Variants in FAM135A observed in about 807,000 individuals in gnomAD.
The protein encoded by FAM135A is protein FAM135A.
FAM135A carries 79 observed loss-of-function variants against 146.8 expected under a neutral mutation model. That is an observed-to-expected ratio of 0.54 (90% confidence interval 0.45 to 0.65). FAM135A has a LOEUF of 0.65. FAM135A is among the 30% of genes least tolerant of loss of function. The pLI, the probability that FAM135A is intolerant of heterozygous loss-of-function variation, is 0.00. For missense variants in FAM135A, 1,623 were observed against 1,758.2 expected, an observed-to-expected ratio of 0.92 and a Z score of 1.38; for synonymous variants, 562 against 603.6, an observed-to-expected ratio of 0.93 and a Z score of 1.01.
chr6:70,454,979 A>G (rs138479238), intron 5 of FAM135A, among the ~76,000 whole-genome samples: 7,044 of 152,234 alleles, frequency 0.046, 361 homozygotes, highest in African/African-American at 0.11. Context: ...AGTCATTGTT[A>G]GCTTGATGGG....
At chr6:70,436,548 G>T (rs182480106) in intron 4 of FAM135A, among the ~76,000 whole-genome samples, 1 of 152,078 alleles carries the variant, frequency 6.6e-6, no homozygotes, top group Non-Finnish European at 1.5e-5. Context: ...GAGTACAAGG[G>T]TATTGGATTT....
At chr6:70,441,259 G>A (rs1161779595) in intron 4 of FAM135A, among the ~76,000 whole-genome samples, 4 of 151,938 alleles carry the variant, frequency 2.6e-5, no homozygotes, top group African/African-American at 9.7e-5. Context: ...CCGGTGGCAC[G>A]CACCTATAAT....
rs1246099527 is a variant in FAM135A at position 70,533,170 on chromosome 6, A to G, written c.3786A>G (p.Ala1262=). ...TTTTTCATTTTTTAGGAAACAGTGC[A>G]GATCTCCGATTAGTAAAAACTTACA... ...VCVHGLDGNS[A]DLRLVKTYIE... The change falls in exon 17 of 22, where the codon GCA becomes GCG. Residue 1262 remains alanine, a synonymous_variant. Transcript: ENST00000418814. 24 of 1,612,472 alleles carry G rather than the reference A, an allele frequency of 1.5e-5. No individual in the cohort carries two copies. The highest frequency in any genetic ancestry group is 2.0e-5 in the Non-Finnish European group (23 of 1,178,940).
intron 4 of FAM135A, among the ~76,000 whole-genome samples, chr6:70,435,816 T>G (rs898184879): frequency 6.6e-6 from 1 of 152,246 alleles, no homozygotes; most frequent in East Asian, 1.9e-4. Context: ...GAATTTTGTT[T>G]TATTGACATT....
intron 13 of FAM135A, among the ~76,000 whole-genome samples, chr6:70,523,055 A>G (rs1793954998): frequency 2.0e-5 from 3 of 152,186 alleles, no homozygotes. Context: ...CTTTGGCATT[A>G]AGGAATATTT....
intron 20 of FAM135A, among the ~76,000 whole-genome samples, chr6:70,539,977 CAG>C (rs1797558487): frequency 2.0e-5 from 3 of 152,174 alleles, no homozygotes; most frequent in Admixed American, 2.0e-4. Flanking sequence ...GGCTGGGAGA[CAG>C]AGTGAGACTC....
chr6:70,431,080 T>G (rs957403003), intron 4 of FAM135A, among the ~76,000 whole-genome samples: 2 of 152,148 alleles, frequency 1.3e-5, no homozygotes, highest in African/African-American at 4.8e-5. Context: ...TCATTATTTT[T>G]CCACCATTTG....
chr6:70,452,687 A>G, intron 5 of FAM135A, 116 bp downstream of exon 5: 1 of 636,088 alleles, frequency 1.6e-6, no homozygotes, highest in Non-Finnish European at 2.5e-6. Context: ...CATTATGATA[A>G]CCATTGTAAG....
rs371607185 is a variant in FAM135A at position 70,525,565 on chromosome 6, A to C, written c.2481A>C (p.Thr827=). 1.2e-6 allele frequency: 2 copies of C among 1,613,572 alleles called. No homozygotes were observed. Among genetic ancestry groups the C allele is most frequent in the Non-Finnish European group, 8.5e-7 (1 of 1,179,660 alleles). ...FSLGNHCTES[T]SAISEIQSSL... is the part of the protein sequence containing the mutation. ...TAGGAAATCATTGTACTGAGAGTAC[A>C]AGTGCTATAAGTGAAATACAGTCAT... Residue 827 remains threonine (T), a synonymous_variant, in exon 15 of 22, where the codon ACA becomes ACC. Transcript: ENST00000418814.
At chr6:70,513,389 T>C (rs1024563440) in intron 12 of FAM135A, 24 of 83,350 alleles carry the variant, frequency 2.9e-4, no homozygotes, top group Non-Finnish European at 5.0e-4. Context: ...TGTCAATTTC[T>C]TTTTTTTTTT....
At chr6:70,423,520 A>G (rs569052389) in intron 2 of FAM135A, among the ~76,000 whole-genome samples, 1 of 152,352 alleles carries the variant, frequency 6.6e-6, no homozygotes, top group East Asian at 1.9e-4. Context: ...GATCAAAACT[A>G]GGGACACTGT....
At chr6:70,509,813 C>T (rs549536004) in intron 12 of FAM135A, among the ~76,000 whole-genome samples, 3 of 151,970 alleles carry the variant, frequency 2.0e-5, no homozygotes, top group Non-Finnish European at 4.4e-5. Context: ...TAGATGCAGA[C>T]CTGATATTTC....
intron 9 of FAM135A, among the ~76,000 whole-genome samples, 182 bp downstream of exon 9, chr6:70,481,209 A>G (rs1423254147): frequency 1.3e-5 from 2 of 152,140 alleles, no homozygotes; most frequent in African/African-American, 4.8e-5. Flanking sequence ...CTAACATGAT[A>G]CTTCAAAATG....
At chr6:70,551,772 G>A (rs1054740905) in intron 20 of FAM135A, among the ~76,000 whole-genome samples, 1 of 152,176 alleles carries the variant, frequency 6.6e-6, no homozygotes, top group Non-Finnish European at 1.5e-5. Flanking sequence ...GCCAGTTGGT[G>A]GAGCAGTCAG....
chr6:70,557,030 C>T (rs1364546558), intron 21 of FAM135A, 167 bp downstream of exon 21: 21 of 615,318 alleles, frequency 3.4e-5, no homozygotes, highest in Non-Finnish European at 6.1e-5. Context: ...TCACCTGCCA[C>T]GTGAACTGCC....
At chr6:70,464,668 T>C (rs2128111380) in intron 5 of FAM135A, among the ~76,000 whole-genome samples, 1 of 105,476 alleles carries the variant, frequency 9.5e-6, no homozygotes, top group African/African-American at 3.7e-5. Flanking sequence ...CTTTTTTTTC[T>C]TTTTTTTTTT....
At chr6:70,440,414 C>T (rs1429996371) in intron 4 of FAM135A, among the ~76,000 whole-genome samples, 3 of 152,026 alleles carry the variant, frequency 2.0e-5, no homozygotes, top group East Asian at 1.9e-4. Context: ...GGGCTGGGCA[C>T]GGTGGCTCAC....
In FAM135A at chr6:70,526,450, A is replaced by T; in HGVS notation, c.3366A>T (p.Leu1122=). Residue 1122 remains leucine, a synonymous_variant, in exon 15 of 22, where the codon CTA becomes CTT. Transcript: ENST00000418814. ...CTCACTATACAAGCAGAGATGAACT[A>T]ATGGAAGAAAGACTTACAAAATCTG... ...INAHYTSRDE[L]MEERLTKSEK... is the part of the protein sequence containing the mutation. 6.2e-7 allele frequency: 1 copy of T among 1,613,590 alleles called. No individual in the cohort carries two copies. Among genetic ancestry groups the T allele is most frequent in the Non-Finnish European group, 8.5e-7 (1 of 1,179,644 alleles).
Position 70,526,097 on chromosome 6 carries a change from C to T in FAM135A, c.3013C>T (p.Leu1005Phe), listed in dbSNP as rs565572530. 1 of 1,613,266 alleles carries T rather than the reference C, an allele frequency of 6.2e-7. No homozygotes were observed. Among genetic ancestry groups the T allele is most frequent in the African/African-American group, 1.3e-5 (1 of 75,006 alleles). ...TMKKNSDVLN[L>F]TQMYSEIPTV... is the part of the protein sequence containing the mutation. ...GAAAAAAAATAGTGATGTATTAAAT[C>T]TCACACAGATGTATTCAGAAATCCC... Residue 1005 changes from leucine to phenylalanine, a missense_variant, in exon 15 of 22, where the codon CTC becomes TTC. Transcript: ENST00000418814.
Sources: gnomAD v4.1 joint callset for allele counts (sites outside exome capture counted in the v4.1 genomes callset) on GRCh38, gnomAD v4.1.1 for gene constraint, MANE v1.5 for transcripts, NCBI Gene and HGNC (gene_info 2026-07-23, HGNC 2026-07-21) for gene names.